Variants in CDK12 observed in about 807,000 individuals in gnomAD.
CDK12 encodes cyclin-dependent kinase 12.
A neutral mutation model predicts 133.8 loss-of-function variants in CDK12; 17 were observed. That is an observed-to-expected ratio of 0.13 (90% CI 0.09 to 0.19). The LOEUF (loss-of-function observed/expected upper bound fraction) is 0.19, where lower values mean the gene tolerates loss of function less well. Among genes scored for constraint, CDK12 ranks in the 10% least tolerant of loss-of-function variants. CDK12 has a pLI of 1.00. For synonymous variants in CDK12, 694 were observed against 683.6 expected, an observed-to-expected ratio of 1.02 and a Z score of -0.24; for missense variants, 1,508 against 1,818.7, an observed-to-expected ratio of 0.83 and a Z score of 3.11.
At position 39,530,994 on chromosome 17, in the gene CDK12, G is replaced by A. The variant is rs1414878908; in HGVS notation, c.4151G>A (p.Gly1384Glu). 1 of 1,614,186 alleles carries A rather than the reference G, an allele frequency of 6.2e-7. No individual in the cohort carries two copies. The highest frequency in any genetic ancestry group is 8.5e-7 in the Non-Finnish European group (1 of 1,180,036). Reference sequence around the variant, plus strand: ...TTCTCAGGCTCTCTGAGCCACCTTGGGGAGTCCAGCAGTTACCAGGGCACA... The same window carrying A: ...TTCTCAGGCTCTCTGAGCCACCTTGAGGAGTCCAGCAGTTACCAGGGCACA... Reference protein sequence around the residue: ...RTFSGSLSHLGESSSYQGTGS... With the variant: ...RTFSGSLSHLEESSSYQGTGS... Residue 1384 changes from glycine to glutamate, a missense_variant, in exon 14 of 14, where the codon GGG becomes GAG. Transcript: ENST00000447079.
At chr17:39,483,587 A>G (rs753158845) in intron 2 of CDK12, among the ~76,000 whole-genome samples, 2 of 151,816 alleles carry the variant, frequency 1.3e-5, no homozygotes, top group Admixed American at 6.6e-5. Context: ...TAAACAACCA[A>G]CTTCAAGGGG....
chr17:39,566,672 G>C (rs1482340611), downstream of CDK12, among the ~76,000 whole-genome samples: 1 of 152,120 alleles, frequency 6.6e-6, no homozygotes, highest in East Asian at 1.9e-4. Flanking sequence ...CGCCGTCTTG[G>C]GTGGGCAGCC....
At chr17:39,561,374 T>G (rs754612076) in intron 3 of CDK12, among the ~76,000 whole-genome samples, 9 of 152,168 alleles carry the variant, frequency 5.9e-5, no homozygotes, top group Non-Finnish European at 7.4e-5. Flanking sequence ...ATACACCCCT[T>G]GGGCAGGCTC....
upstream of CDK12, chr17:39,546,030 C>T (rs2055679108): frequency 6.6e-6 from 1 of 151,112 alleles, no homozygotes; most frequent in Non-Finnish European, 1.5e-5. Flanking sequence ...CTCCTGACCT[C>T]ATGATCCGCG....
chr17:39,509,160 G>A (rs992576808), intron 6 of CDK12, among the ~76,000 whole-genome samples: 3 of 152,118 alleles, frequency 2.0e-5, no homozygotes, highest in Non-Finnish European at 4.4e-5. Context: ...CTCTAAGAAT[G>A]GGGCCCAGGA....
chr17:39,490,830 C>T lies in CDK12; in HGVS notation c.2108+97C>T, dbSNP rs749003703. On this transcript the variant is annotated intron_variant, in intron 3 of 13. Coordinates refer to ENST00000447079, the MANE Select transcript of CDK12 (RefSeq NM_016507.4). ...CTTCTATAACCCACACCAGTAAGAT[C>T]GTAGAAGTTTGGTCCCAAAGTATTT... The T allele has an allele frequency of 8.1e-6, 7 of 865,758 alleles. No homozygotes were observed. The South Asian group carries it at 9.5e-5, about 12-fold the overall frequency. The allele number at this position is 865,758 out of a possible 1,614,324, so 53.6% of individuals were successfully genotyped here.
chr17:39,521,773 G>A (rs181520536), intron 11 of CDK12, among the ~76,000 whole-genome samples: 136 of 152,144 alleles, frequency 8.9e-4, no homozygotes, highest in African/African-American at 3.0e-3. Flanking sequence ...TGTTGGCCAA[G>A]GTGGTCTCAA....
At chr17:39,481,224 G>C (rs573464258) in intron 2 of CDK12, among the ~76,000 whole-genome samples, 8 of 146,430 alleles carry the variant, frequency 5.5e-5, no homozygotes, top group African/African-American at 1.8e-4. Flanking sequence ...TTGCACTCCA[G>C]CCTGGGCAAC....
At chr17:39,477,254 T>C (rs1427960873) in intron 2 of CDK12, among the ~76,000 whole-genome samples, 1 of 151,800 alleles carries the variant, frequency 6.6e-6, no homozygotes, top group Non-Finnish European at 1.5e-5. Context: ...TTGCCCAGGC[T>C]GGAGTGAGTC....
intron 1 of CDK12, among the ~76,000 whole-genome samples, chr17:39,465,004 T>G (rs938773179): frequency 6.6e-6 from 1 of 151,722 alleles, no homozygotes; most frequent in East Asian, 1.9e-4. Context: ...TCTCAGCACT[T>G]TGGGAGGCCG....
intron 2 of CDK12, among the ~76,000 whole-genome samples, chr17:39,483,096 A>G (rs1282608897): frequency 8.6e-5 from 13 of 151,424 alleles, no homozygotes. Flanking sequence ...TATTTTTCGT[A>G]GAGACGGGGT....
At chr17:39,515,298 G>C (rs771989598) in intron 8 of CDK12, among the ~76,000 whole-genome samples, 66 of 152,152 alleles carry the variant, frequency 4.3e-4, no homozygotes, top group Non-Finnish European at 8.4e-4. Flanking sequence ...GAAGGCTATA[G>C]TATAGTGCAT....
chr17:39,539,193 G>A (rs546148144), downstream of CDK12, among the ~76,000 whole-genome samples: 7 of 152,268 alleles, frequency 4.6e-5, no homozygotes, highest in South Asian at 1.2e-3. Flanking sequence ...GATTACTCTT[G>A]GCTCTGGAAT....
chr17:39,462,124 C>G lies in CDK12; in HGVS notation c.53C>G (p.Ser18Cys), dbSNP rs776079520. The change falls in exon 1 of 14, where the codon TCT becomes TGT. Residue 18 changes from serine (S) to cysteine (C), a missense_variant. Physicochemically the swap from Ser to Cys is moderately radical, Grantham distance 112. Coordinates refer to ENST00000447079, the MANE Select transcript of CDK12 (RefSeq NM_016507.4). ...AAGAAGGACGGGAGTGGAGGAGCTT[C>G]TGGAACTTTGCAGCCGTCATCGGGA... Reference protein sequence around the residue: ...GGKKDGSGGASGTLQPSSGGG... With the variant: ...GGKKDGSGGACGTLQPSSGGG... 6.2e-7 allele frequency: 1 copy of G among 1,614,170 alleles called. No homozygotes were observed. The highest frequency in any genetic ancestry group is 8.5e-7 in the Non-Finnish European group (1 of 1,180,006).
chr17:39,523,977 G>A (rs561559771), intron 11 of CDK12, among the ~76,000 whole-genome samples: 3 of 152,284 alleles, frequency 2.0e-5, no homozygotes, highest in Admixed American at 1.3e-4. Flanking sequence ...CTAGAATGTT[G>A]ATACATTGAA....
At chr17:39,510,775 G>A (rs1027153904) in intron 7 of CDK12, among the ~76,000 whole-genome samples, 16 of 151,256 alleles carry the variant, frequency 1.1e-4, no homozygotes, top group South Asian at 2.1e-4. Flanking sequence ...TGCCATGCCC[G>A]GCTAATTTTG....
At chr17:39,464,645 A>G (rs940894010) in intron 1 of CDK12, among the ~76,000 whole-genome samples, 1 of 151,976 alleles carries the variant, frequency 6.6e-6, no homozygotes, top group Admixed American at 6.6e-5. Flanking sequence ...TGGAGTTCTT[A>G]ATGTTTCCTC....
intron 11 of CDK12, among the ~76,000 whole-genome samples, chr17:39,523,448 C>T (rs1234242237): frequency 3.3e-5 from 5 of 151,942 alleles, no homozygotes; most frequent in African/African-American, 4.8e-5. Flanking sequence ...TGCACTCTAG[C>T]CTGGGCAACA....
Position 39,471,314 on chromosome 17 carries a change from T to G in CDK12, c.1482T>G (p.Asp494Glu). ...ACTCCGAGAAGCATCTTGTTAAAGA[T>G]TTGAAAGCACAGGGAACAAGAGACT... ...DENSEKHLVK[D>E]LKAQGTRDSK... Residue 494 changes from aspartate (D) to glutamate (E), a missense_variant, in exon 2 of 14, where the codon GAT becomes GAG. Asp to Glu is a conservative substitution (Grantham distance 45). This residue lies in a region of CDK12 where 347 missense variants were observed against 330.8 expected (regional missense o/e 1.05). Transcript: ENST00000447079. 6.2e-7 allele frequency: 1 copy of G among 1,613,868 alleles called. No homozygotes were observed. The highest frequency in any genetic ancestry group is 1.1e-5 in the South Asian group (1 of 91,050).
Sources: gnomAD v4.1 joint callset for allele counts (sites outside exome capture counted in the v4.1 genomes callset) on GRCh38, gnomAD v4.1.1 for gene constraint, gnomAD v4.1.1 regional missense constraint, MANE v1.5 for transcripts, NCBI Gene and HGNC (gene_info 2026-07-23, HGNC 2026-07-21) for gene names.